The following TMEM132D variants were observed in gnomAD, a reference collection of about 807,000 sequenced individuals.
TMEM132D encodes the protein mature OL transmembrane protein.
In TMEM132D, 21 loss-of-function variants were observed where a neutral mutation model predicts 62.3. The observed-to-expected ratio is 0.34, with a 90% CI of 0.24 to 0.49. The LOEUF (loss-of-function observed/expected upper bound fraction) is 0.49, where lower values mean the gene tolerates loss of function less well. Among genes scored for constraint, TMEM132D ranks in the 20% least tolerant of loss-of-function variants. The pLI, the probability that TMEM132D is intolerant of heterozygous loss-of-function variation, is 0.99. For synonymous variants in TMEM132D, 621 were observed against 575.6 expected (o/e 1.08, Z -1.13); for missense variants, 1,346 against 1,402.8 (o/e 0.96, Z 0.65).
chr12:129,227,609 T>C (rs1195717459), intron 4 of TMEM132D, among the ~76,000 whole-genome samples: 1 of 147,940 alleles, frequency 6.8e-6, no homozygotes, highest in Non-Finnish European at 1.5e-5. Context: ...ATATATATAT[T>C]TTATTATACT....
chr12:129,691,086 A>G (rs1340807293), intron 2 of TMEM132D, among the ~76,000 whole-genome samples: 1 of 152,098 alleles, frequency 6.6e-6, no homozygotes, highest in Non-Finnish European at 1.5e-5. Context: ...TCTCAATAAC[A>G]TATGAATCAA....
intron 1 of TMEM132D, among the ~76,000 whole-genome samples, chr12:129,746,655 T>A (rs566189758): frequency 5.2e-4 from 79 of 152,262 alleles, no homozygotes; most frequent in African/African-American, 1.8e-3. Context: ...TTTCATCATT[T>A]ATGTAAACCT....
chr12:129,252,020 C>T (rs1028390511), intron 4 of TMEM132D, among the ~76,000 whole-genome samples: 2 of 152,160 alleles, frequency 1.3e-5, no homozygotes, highest in African/African-American at 4.8e-5. Context: ...GTGTTTGAGA[C>T]ATTGCATTTG....
chr12:129,833,654 T>A (rs945231689), intron 1 of TMEM132D, among the ~76,000 whole-genome samples: 1 of 152,118 alleles, frequency 6.6e-6, no homozygotes, highest in Admixed American at 6.6e-5. Context: ...AATATTTGTT[T>A]CATTTCATTC....
chr12:129,345,596 G>T (rs1220919414), intron 3 of TMEM132D, among the ~76,000 whole-genome samples: 1 of 152,158 alleles, frequency 6.6e-6, no homozygotes, highest in African/African-American at 2.4e-5. Context: ...TTTGTAAGTG[G>T]GAGGGAAAAT....
chr12:129,261,337 C>T (rs1010071021), intron 4 of TMEM132D, among the ~76,000 whole-genome samples: 9 of 152,152 alleles, frequency 5.9e-5, no homozygotes, highest in Non-Finnish European at 8.8e-5. Context: ...TTTCCCTGTG[C>T]TGTTCTTGTG....
intron 5 of TMEM132D, among the ~76,000 whole-genome samples, chr12:129,154,105 A>T (rs1877160768): frequency 6.6e-6 from 1 of 152,208 alleles, no homozygotes; most frequent in African/African-American, 2.4e-5. Context: ...AGCTGAGAAC[A>T]GCTTGATAGA....
intron 5 of TMEM132D, among the ~76,000 whole-genome samples, chr12:129,114,391 T>TC (rs1299660377): frequency 6.2e-4 from 91 of 146,386 alleles, no homozygotes; most frequent in East Asian, 5.5e-3. Flanking sequence ...GGAAACTCCT[T>TC]CCTTCCTTCC....
intron 1 of TMEM132D, among the ~76,000 whole-genome samples, chr12:129,740,621 A>G (rs1334063196): frequency 6.6e-6 from 1 of 152,228 alleles, no homozygotes; most frequent in African/African-American, 2.4e-5. Context: ...TGACTGAAGA[A>G]AATATTCCAA....
chr12:129,654,492 T>G (rs1880020111), intron 2 of TMEM132D, among the ~76,000 whole-genome samples: 1 of 152,220 alleles, frequency 6.6e-6, no homozygotes, highest in Non-Finnish European at 1.5e-5. Context: ...TAAGATTTTC[T>G]TCCCCCCTAA....
chr12:129,730,972 C>A (rs374266276), intron 1 of TMEM132D, among the ~76,000 whole-genome samples: 2 of 151,994 alleles, frequency 1.3e-5, no homozygotes, highest in Non-Finnish European at 2.9e-5. Flanking sequence ...CTACGTGGGA[C>A]CTCACTTTGT....
intron 5 of TMEM132D, among the ~76,000 whole-genome samples, chr12:129,147,311 T>TATATATATACATATGC (rs1201190602): frequency 3.1e-4 from 45 of 146,964 alleles, no homozygotes; most frequent in African/African-American, 7.9e-4. Flanking sequence ...TATACATATG[T>TATATATATACATATGC]GTATATGTAT....
At chr12:129,748,995 G>A (rs1869910075) in intron 1 of TMEM132D, among the ~76,000 whole-genome samples, 1 of 152,174 alleles carries the variant, frequency 6.6e-6, no homozygotes, top group Admixed American at 6.5e-5. Flanking sequence ...ATGAGAAGAG[G>A]CTAATTAAGG....
intron 3 of TMEM132D, among the ~76,000 whole-genome samples, chr12:129,415,834 C>G (rs950383999): frequency 2.0e-5 from 3 of 152,188 alleles, no homozygotes; most frequent in African/African-American, 7.2e-5. Flanking sequence ...GACACCAGCA[C>G]CCAACCCTCC....
chr12:129,524,920 CTTTTTTCTTTTTTTTTT>C (rs1336943619), intron 3 of TMEM132D, among the ~76,000 whole-genome samples: 3 of 92,170 alleles, frequency 3.3e-5, no homozygotes, highest in African/African-American at 1.3e-4. Context: ...ATATTTTTTT[CTTTTTTCTTTTTTTTTT>C]TTTTTTTGAG....
intron 1 of TMEM132D, among the ~76,000 whole-genome samples, chr12:129,752,724 G>C (rs1870039890): frequency 1.3e-5 from 2 of 152,146 alleles, no homozygotes; most frequent in Admixed American, 1.3e-4. Context: ...GCCCTGTGCA[G>C]CTTTGGGGAT....
At chr12:129,763,719 T>A (rs1237545578) in intron 1 of TMEM132D, among the ~76,000 whole-genome samples, 1 of 140,722 alleles carries the variant, frequency 7.1e-6, no homozygotes, top group East Asian at 2.1e-4. Context: ...TGGGGTTCAA[T>A]GATGAGTTGC....
intron 4 of TMEM132D, among the ~76,000 whole-genome samples, chr12:129,236,037 C>T (rs76246370): frequency 0.01 from 1,533 of 151,518 alleles, 27 homozygotes; most frequent in African/African-American, 0.035. Flanking sequence ...ATATGTGTTA[C>T]AGTTCTCAGT....
At position 129,334,265 on chromosome 12, in the gene TMEM132D, T is replaced by G. The variant is rs147715999; in HGVS notation, c.1299+3369A>C. On this transcript the variant is annotated intron_variant, in intron 4 of 8. Transcript: ENST00000422113. ...CTTTGTGTAATGATTCCCATTTTCC[T>G]GCAACTCCATCAACACGGAATGTTA... 4.2e-3 allele frequency among the ~76,000 whole-genome samples: 626 copies of G among 150,646 alleles called. 3 individuals are homozygous for G. Among genetic ancestry groups the G allele is most frequent in the African/African-American group, 0.015 (591 of 39,956 alleles).
Sources: allele counts gnomAD v4.1 joint callset (sites outside exome capture counted in the v4.1 genomes callset), GRCh38; gene constraint gnomAD v4.1.1; transcripts MANE v1.5; gene names NCBI Gene and HGNC (gene_info 2026-07-23, HGNC 2026-07-21).